Variants in ROR2 observed in about 807,000 individuals in gnomAD.
The protein encoded by ROR2 is tyrosine-protein kinase transmembrane receptor ROR2.
ROR2 carries 33 observed loss-of-function variants against 74.9 expected under a neutral mutation model. The ratio of observed to expected loss-of-function variants is 0.44; its 90% confidence interval spans 0.33 to 0.59. ROR2 has a LOEUF of 0.59. Ranked by LOEUF, ROR2 falls within the 20% of genes least tolerant of loss-of-function variation. The pLI is 0.02. For synonymous variants in ROR2, 586 were observed against 558.7 expected (o/e 1.05, Z -0.69); for missense variants, 1,216 against 1,313.8 (o/e 0.93, Z 1.15).
chr9:91,811,952 A>G (rs189885676), intron 1 of ROR2, among the ~76,000 whole-genome samples: 1 of 152,230 alleles, frequency 6.6e-6, no homozygotes, highest in Non-Finnish European at 1.5e-5. Context: ...GGTCTTAGTC[A>G]GGGATATCCA....
intron 1 of ROR2, among the ~76,000 whole-genome samples, chr9:91,786,039 C>T (rs952320127): frequency 1.3e-4 from 20 of 150,444 alleles, no homozygotes; most frequent in Non-Finnish European, 2.4e-4. Context: ...AAGCCAGACT[C>T]AAAAGGCAAT....
At chr9:91,896,175 T>A (rs1263139334) in intron 1 of ROR2, among the ~76,000 whole-genome samples, 1 of 152,202 alleles carries the variant, frequency 6.6e-6, no homozygotes, top group African/African-American at 2.4e-5. Context: ...ATTCACGCAG[T>A]GCATACAATA....
intron 5 of ROR2, 62 bp downstream of exon 5, chr9:91,737,329 T>C (rs896783000): frequency 1.2e-6 from 2 of 1,607,106 alleles, no homozygotes; most frequent in African/African-American, 1.3e-5. Flanking sequence ...GTGGCCACCA[T>C]CTGTGCGACA....
At chr9:91,881,808 A>G (rs1830119104) in intron 1 of ROR2, among the ~76,000 whole-genome samples, 1 of 152,224 alleles carries the variant, frequency 6.6e-6, no homozygotes, top group African/African-American at 2.4e-5. Context: ...CGACAGGGGC[A>G]AAGAACCTCC....
intron 1 of ROR2, among the ~76,000 whole-genome samples, chr9:91,812,414 G>T (rs546102627): frequency 6.6e-6 from 1 of 152,114 alleles, no homozygotes; most frequent in Admixed American, 6.5e-5. Context: ...CATGTGGGGA[G>T]GGGGGATGTC....
intron 1 of ROR2, among the ~76,000 whole-genome samples, chr9:91,946,516 G>A (rs1832017889): frequency 6.6e-6 from 1 of 152,222 alleles, no homozygotes; most frequent in African/African-American, 2.4e-5. Flanking sequence ...GAATGAACCA[G>A]ATAAACACCA....
chr9:91,818,940 G>A (rs956309389), intron 1 of ROR2, among the ~76,000 whole-genome samples: 1 of 152,172 alleles, frequency 6.6e-6, no homozygotes, highest in Non-Finnish European at 1.5e-5. Context: ...CTCTTCTGCA[G>A]GTCATGCTAT....
At chr9:91,887,649 G>A (rs1830320180) in intron 1 of ROR2, among the ~76,000 whole-genome samples, 1 of 152,076 alleles carries the variant, frequency 6.6e-6, no homozygotes, top group East Asian at 1.9e-4. Context: ...CCTATGCCTG[G>A]GAATGCAATT....
chr9:91,728,854 C>T (rs746312464), intron 7 of ROR2, among the ~76,000 whole-genome samples: 4 of 152,232 alleles, frequency 2.6e-5, no homozygotes, highest in Non-Finnish European at 5.9e-5. Context: ...TGTTCTCCCA[C>T]AGCTGCATGC....
intron 1 of ROR2, among the ~76,000 whole-genome samples, chr9:91,926,252 G>T (rs1204838626): frequency 2.0e-5 from 3 of 151,784 alleles, no homozygotes; most frequent in Non-Finnish European, 4.4e-5. Flanking sequence ...GGCATGTGGC[G>T]GGCGCCTGTA....
intron 2 of ROR2, among the ~76,000 whole-genome samples, chr9:91,766,067 T>G (rs894211888): frequency 1.3e-5 from 2 of 152,250 alleles, no homozygotes; most frequent in African/African-American, 4.8e-5. Context: ...GTAGCATTTA[T>G]GTTCCCGAGC....
intron 1 of ROR2, among the ~76,000 whole-genome samples, chr9:91,840,968 A>C (rs1828766066): frequency 6.6e-6 from 1 of 152,246 alleles, no homozygotes; most frequent in Admixed American, 6.5e-5. Flanking sequence ...CATGATTTGC[A>C]AGACTGTGTC....
chr9:91,847,000 A>ACCT (rs1828953252), intron 1 of ROR2, among the ~76,000 whole-genome samples: 1 of 152,192 alleles, frequency 6.6e-6, no homozygotes, highest in Non-Finnish European at 1.5e-5. Context: ...ACCATGGGGC[A>ACCT]GAGCTGCAGA....
intron 5 of ROR2, among the ~76,000 whole-genome samples, chr9:91,735,799 G>A (rs1285429463): frequency 2.6e-5 from 4 of 151,712 alleles, no homozygotes; most frequent in Non-Finnish European, 5.9e-5. Context: ...TGTGTTTTTA[G>A]TAGAGATGGG....
chr9:91,762,314 C>T (rs990206374), intron 2 of ROR2, among the ~76,000 whole-genome samples: 1 of 152,218 alleles, frequency 6.6e-6, no homozygotes. Flanking sequence ...TGCCACTTTA[C>T]TCAGCTATCT....
chr9:91,773,729 C>T lies in ROR2; in HGVS notation c.175+2012G>A, dbSNP rs78007603. On this transcript the variant is annotated intron_variant, in intron 2 of 8. Transcript: ENST00000375708. ...GCCCATAAGCCAGGCATCTCCCCTG[C>T]GGTACCACCATGACACCAAGTCCCG... is the stretch of plus-strand genomic sequence containing the variant. 2.9e-3 allele frequency among the ~76,000 whole-genome samples: 443 copies of T among 152,332 alleles called. 1 individual carries two copies. The highest frequency in any genetic ancestry group is 0.01 in the African/African-American group (418 of 41,578).
chr9:91,835,623 A>G (rs969548445), intron 1 of ROR2, among the ~76,000 whole-genome samples: 3 of 152,248 alleles, frequency 2.0e-5, no homozygotes, highest in African/African-American at 7.2e-5. Context: ...AGGAGCCTGC[A>G]GCAACAGCAG....
At position 91,822,444 on chromosome 9, in the gene ROR2, T is replaced by G. The variant is rs539071446; in HGVS notation, c.98-46626A>C. 6.6e-5 allele frequency among the ~76,000 whole-genome samples: 10 copies of G among 152,304 alleles called. No homozygotes were observed. The East Asian group carries it at 1.9e-3, about 29-fold the overall frequency. ...AAGGCACCTGCTTCCAGGGCTCCCA[T>G]AGACTGAATTTGAGCATCAGGAAGA... On this transcript the variant is annotated intron_variant, in intron 1 of 8. Transcript: ENST00000375708.
At chr9:91,864,700 G>C (rs1829577176) in intron 1 of ROR2, among the ~76,000 whole-genome samples, 1 of 152,162 alleles carries the variant, frequency 6.6e-6, no homozygotes. Context: ...TGGCATGTCA[G>C]AAGGGACCAG....
Sources: gnomAD v4.1 joint callset for allele counts (sites outside exome capture counted in the v4.1 genomes callset) on GRCh38, gnomAD v4.1.1 for gene constraint, MANE v1.5 for transcripts, NCBI Gene and HGNC (gene_info 2026-07-23, HGNC 2026-07-21) for gene names.